Variants in TAF2 observed in about 807,000 individuals in gnomAD.
The protein encoded by TAF2 is TATA-box binding protein associated factor 2, also known as transcription initiation factor TFIID subunit 2.
In TAF2, 61 loss-of-function variants were observed where a neutral mutation model predicts 138.5. The ratio of observed to expected loss-of-function variants is 0.44; its 90% CI spans 0.36 to 0.54. TAF2 has a LOEUF of 0.54. Among genes scored for constraint, TAF2 ranks in the 20% least tolerant of loss-of-function variants. The pLI is 0.00. For synonymous variants in TAF2, 475 were observed against 469.9 expected (o/e 1.01, Z -0.14); for missense variants, 1,090 against 1,427.9 (o/e 0.76, Z 3.81).
intron 11 of TAF2, among the ~76,000 whole-genome samples, chr8:119,790,021 TA>T (rs1823309768): frequency 6.6e-6 from 1 of 152,102 alleles, no homozygotes; most frequent in African/African-American, 2.4e-5. Context: ...ATAATACCTA[TA>T]ATTTATTGTA....
intron 18 of TAF2, among the ~76,000 whole-genome samples, chr8:119,767,592 A>G (rs1259074871): frequency 6.6e-6 from 1 of 152,240 alleles, no homozygotes; most frequent in Non-Finnish European, 1.5e-5. Flanking sequence ...GGAATCCCAC[A>G]GGCTTTGGCC....
At chr8:119,751,805 A>G (rs1209251353) in intron 22 of TAF2, among the ~76,000 whole-genome samples, 1 of 152,236 alleles carries the variant, frequency 6.6e-6, no homozygotes, top group Non-Finnish European at 1.5e-5. Context: ...CCATGGACAA[A>G]GACCATATAA....
rs1461014843 is a variant in TAF2, at chr8:119,756,043, T to TTCA, written c.2838_2840dup (p.Asn946_Glu947insAsp). ...GTTTCCAAAGTTGATCTACCAGGGC[T>TTCA]TCATTGCATAAGGGAGACTCCATGT... On this transcript the variant is annotated inframe_insertion, in exon 22 of 26. Coordinates refer to ENST00000378164, the MANE Select transcript of TAF2 (RefSeq NM_003184.4). 2 of 1,613,636 alleles carry TTCA rather than the reference T, an allele frequency of 1.2e-6. No individual in the cohort carries two copies. The highest frequency in any genetic ancestry group is 2.7e-5 in the African/African-American group (2 of 74,932).
At chr8:119,808,520 T>C (rs1470863109) in intron 3 of TAF2, among the ~76,000 whole-genome samples, 1 of 152,202 alleles carries the variant, frequency 6.6e-6, no homozygotes, top group East Asian at 1.9e-4. Context: ...AAATCATGAA[T>C]GTCCTTAATG....
chr8:119,829,329 T>C (rs1229676607), intron 2 of TAF2, among the ~76,000 whole-genome samples: 1 of 152,128 alleles, frequency 6.6e-6, no homozygotes, highest in Non-Finnish European at 1.5e-5. Context: ...ATTCTTCTAT[T>C]AAAAGACACA....
At chr8:119,780,068 A>G (rs1422877834) in intron 17 of TAF2, among the ~76,000 whole-genome samples, 1 of 152,150 alleles carries the variant, frequency 6.6e-6, no homozygotes, top group Non-Finnish European at 1.5e-5. Flanking sequence ...AAAATCTTGA[A>G]AGAATAGGCT....
In TAF2 at chr8:119,760,579, A is replaced by C. The variant is rs1412782636; in HGVS notation, c.2698+20T>G. The C allele has an allele frequency of 6.2e-7, 1 of 1,610,842 alleles. No homozygotes were observed. The highest frequency in any genetic ancestry group is 1.1e-5 in the South Asian group (1 of 91,050). ...TAGTTCTTTCTAAAATGATATGAGC[A>C]CGTATTTCTAAAGTATTACCTTTAG... On this transcript the variant is annotated intron_variant, in intron 20 of 25. Transcript: ENST00000378164.
intron 16 of TAF2, among the ~76,000 whole-genome samples, chr8:119,781,556 T>C (rs1317689742): frequency 1.3e-5 from 2 of 152,036 alleles, no homozygotes; most frequent in Non-Finnish European, 1.5e-5. Flanking sequence ...GGCGGGTGCC[T>C]GTAATCCCAG....
chr8:119,732,194 A>G lies in TAF2; in HGVS notation c.3338-8T>C, dbSNP rs377032285. 3.7e-6 allele frequency: 6 copies of G among 1,613,214 alleles called. No homozygotes were observed. The highest frequency in any genetic ancestry group is 4.2e-6 in the Non-Finnish European group (5 of 1,179,296). On this transcript the variant is annotated splice_polypyrimidine_tract_variant and splice_region_variant and intron_variant, in intron 25 of 25. Transcript: ENST00000378164. ...AAGGTGCTTGTTCTTTACCTTCAAG[A>G]TTAAAAATACCCAAATGAATTCCTG...
intron 20 of TAF2, among the ~76,000 whole-genome samples, chr8:119,759,971 C>T (rs1820949039): frequency 6.6e-6 from 1 of 152,098 alleles, no homozygotes; most frequent in Non-Finnish European, 1.5e-5. Flanking sequence ...CACACATTTT[C>T]CCTTAGCCTT....
At chr8:119,746,264 T>C (rs1407099897) in intron 23 of TAF2, among the ~76,000 whole-genome samples, 5 of 147,652 alleles carry the variant, frequency 3.4e-5, no homozygotes, top group African/African-American at 1.2e-4. Flanking sequence ...TCCCAGCTAC[T>C]CAGGAGGCTA....
Position 119,832,493 on chromosome 8 carries a change from C to T in TAF2, c.72G>A (p.Arg24=), listed in dbSNP as rs777573833. ...GAAAAAATACTTATAATTTATATGG[C>T]CTTGGGCTTTCAAAGCCCTTGTCTC... ...KKGDKGFESP[R]PYKLTHQVVC... The change falls in exon 1 of 26, where the codon AGG becomes AGA. Residue 24 remains arginine, a synonymous_variant. Coordinates refer to ENST00000378164, the MANE Select transcript of TAF2 (RefSeq NM_003184.4). 1 of 1,613,672 alleles carries T rather than the reference C, an allele frequency of 6.2e-7. No homozygotes were observed. The highest frequency in any genetic ancestry group is 1.1e-5 in the South Asian group (1 of 91,082).
intron 25 of TAF2, among the ~76,000 whole-genome samples, chr8:119,740,778 T>A (rs1298480154): frequency 2.0e-5 from 3 of 151,730 alleles, no homozygotes; most frequent in Non-Finnish European, 4.4e-5. Context: ...TTCAAAACAC[T>A]ATTATTTGTA....
intron 6 of TAF2, among the ~76,000 whole-genome samples, chr8:119,799,930 G>T (rs373772792): frequency 3.3e-5 from 5 of 152,120 alleles, no homozygotes; most frequent in South Asian, 4.1e-4. Context: ...TCATGTGTCT[G>T]TTGGCTGCAT....
intron 18 of TAF2, among the ~76,000 whole-genome samples, chr8:119,774,959 C>CA (rs965742124): frequency 1.7e-4 from 26 of 148,614 alleles, no homozygotes; most frequent in East Asian, 7.8e-4. Context: ...CCTAACATGA[C>CA]AAAAAAAAAG....
intron 18 of TAF2, among the ~76,000 whole-genome samples, chr8:119,764,149 A>AAAAAT (rs976617363): frequency 2.0e-5 from 3 of 152,296 alleles, no homozygotes; most frequent in South Asian, 4.1e-4. Context: ...CCATCTCAAA[A>AAAAAT]AAAATAAAAT....
intron 25 of TAF2, among the ~76,000 whole-genome samples, chr8:119,740,123 G>A (rs1819496465): frequency 6.6e-6 from 1 of 152,106 alleles, no homozygotes; most frequent in South Asian, 2.1e-4. Context: ...GCCATGGTAA[G>A]AGATCTTCAG....
chr8:119,818,597 A>G (rs1294121486), intron 3 of TAF2, among the ~76,000 whole-genome samples: 1 of 152,190 alleles, frequency 6.6e-6, no homozygotes, highest in African/African-American at 2.4e-5. Flanking sequence ...AGGGAAAAAA[A>G]TTTGTATGTG....
chr8:119,821,839 C>A (rs1330382938), intron 2 of TAF2, among the ~76,000 whole-genome samples: 6 of 152,074 alleles, frequency 3.9e-5, no homozygotes. Context: ...GAGTTCAGAA[C>A]CAGCCTGGTC....
Sources: gnomAD v4.1 joint callset for allele counts (sites outside exome capture counted in the v4.1 genomes callset) on GRCh38, gnomAD v4.1.1 for gene constraint, MANE v1.5 for transcripts, NCBI Gene and HGNC (gene_info 2026-07-23, HGNC 2026-07-21) for gene names.